SLC44A5: variants seen among roughly 807,000 people sequenced by gnomAD.
The protein encoded by SLC44A5 is choline transporter-like protein 5.
A neutral mutation model predicts 101.8 loss-of-function variants in SLC44A5; 57 were observed. The observed-to-expected ratio is 0.56, with a 90% CI of 0.45 to 0.70. The LOEUF is 0.70. SLC44A5 is among the 30% of genes least tolerant of loss of function. SLC44A5 has a pLI of 0.00. For synonymous variants in SLC44A5, 281 were observed against 290.9 expected (o/e 0.97, Z 0.35); for missense variants, 737 against 853.1 (o/e 0.86, Z 1.70).
the SLC44A5 span, among the ~76,000 whole-genome samples, chr1:75,722,234 T>C: frequency 6.6e-6 from 1 of 152,060 alleles, no homozygotes; most frequent in Non-Finnish European, 1.5e-5. Flanking sequence ...ATAGTACGAG[T>C]ATGGGAGTCC....
At chr1:75,433,897 G>A (rs536454585) in intron 2 of SLC44A5, among the ~76,000 whole-genome samples, 27 of 152,194 alleles carry the variant, frequency 1.8e-4, no homozygotes, top group African/African-American at 5.5e-4. Flanking sequence ...ATGGCAGCAG[G>A]CAAGACAGAA....
At chr1:75,279,527 G>A (rs1652215348) in intron 5 of SLC44A5, among the ~76,000 whole-genome samples, 1 of 152,100 alleles carries the variant, frequency 6.6e-6, no homozygotes, top group Non-Finnish European at 1.5e-5. Context: ...TGGAAATTGT[G>A]AAATAAGAAA....
In SLC44A5 at chr1:75,428,426, C is replaced by T. The variant is rs143004601; in HGVS notation, c.14-31805G>A. Among the ~76,000 whole-genome samples the T allele has an allele frequency of 7.9e-5, 12 of 152,224 alleles. No individual in the cohort carries two copies. The South Asian group carries it at 1.2e-3, about 16-fold the overall frequency. On this transcript the variant is annotated intron_variant, in intron 2 of 23. Transcript: ENST00000370859. ...GTTAGCAACTCAAGGACAGGGAGTA[C>T]GTCCTATTAATTTTTGAATCTCAGA...
intron 4 of SLC44A5, among the ~76,000 whole-genome samples, chr1:75,325,464 T>C (rs2100978322): frequency 6.6e-6 from 1 of 152,280 alleles, no homozygotes; most frequent in South Asian, 2.1e-4. Flanking sequence ...CAGTATACAG[T>C]AGTCTTGCCT....
chr1:75,369,636 A>G (rs550344011), intron 3 of SLC44A5, among the ~76,000 whole-genome samples: 2 of 152,194 alleles, frequency 1.3e-5, no homozygotes, highest in Non-Finnish European at 1.5e-5. Context: ...TCTTATTTTC[A>G]TAGCAATACT....
chr1:75,609,916 G>A (rs944635416), intron 1 of SLC44A5, among the ~76,000 whole-genome samples: 1 of 151,936 alleles, frequency 6.6e-6, no homozygotes, highest in East Asian at 1.9e-4. Flanking sequence ...TGTGATTCAG[G>A]AATCCAGAAG....
the SLC44A5 span, among the ~76,000 whole-genome samples, chr1:75,654,339 G>T: frequency 6.6e-6 from 1 of 152,124 alleles, no homozygotes; most frequent in Non-Finnish European, 1.5e-5. Flanking sequence ...AATTAAAATT[G>T]TTCAATGTTT....
At chr1:75,402,577 C>A in intron 2 of SLC44A5, 1 of 171,698 alleles carries the variant, frequency 5.8e-6, no homozygotes, top group Non-Finnish European at 1.3e-5. Flanking sequence ...ACCTGTGAAG[C>A]ACAAGGGGTT....
At chr1:75,210,458 C>T (rs554530853) in intron 23 of SLC44A5, among the ~76,000 whole-genome samples, 106 of 152,252 alleles carry the variant, frequency 7.0e-4, no homozygotes, top group African/African-American at 2.5e-3. Flanking sequence ...AGTATTTTAA[C>T]TCTATGTATC....
chr1:75,479,230 T>A (rs1189064526), intron 2 of SLC44A5, among the ~76,000 whole-genome samples: 1 of 152,204 alleles, frequency 6.6e-6, no homozygotes, highest in Non-Finnish European at 1.5e-5. Flanking sequence ...CATACCAGAA[T>A]GTCTGGGACA....
chr1:75,348,606 C>T (rs1658422018), intron 3 of SLC44A5, among the ~76,000 whole-genome samples: 1 of 152,072 alleles, frequency 6.6e-6, no homozygotes, highest in South Asian at 2.1e-4. Flanking sequence ...TTAATAACAA[C>T]AAAAGACCTC....
chr1:75,422,673 G>C (rs1282009236), intron 2 of SLC44A5, among the ~76,000 whole-genome samples: 3 of 152,180 alleles, frequency 2.0e-5, no homozygotes, highest in Non-Finnish European at 4.4e-5. Flanking sequence ...TACATGTTAA[G>C]AAGCTCCTAG....
At position 75,364,123 on chromosome 1, in the gene SLC44A5, T is replaced by C. The variant is rs1355601975; in HGVS notation, c.53-24493A>G. On this transcript the variant is annotated intron_variant, in intron 3 of 23. Coordinates refer to ENST00000370859, the MANE Select transcript of SLC44A5 (RefSeq NM_001130058.2). ...TCATTGATTTTTGAAGATTTTATTATGATGTGTCTTGGTGAGTTTCTCTTT... is the reference window on the plus strand; with the variant it reads ...TCATTGATTTTTGAAGATTTTATTACGATGTGTCTTGGTGAGTTTCTCTTT... Among the ~76,000 whole-genome samples, 6 of 152,238 alleles carry C rather than the reference T, an allele frequency of 3.9e-5. No homozygotes were observed. The East Asian group carries it at 1.2e-3, about 29-fold the overall frequency.
intron 4 of SLC44A5, among the ~76,000 whole-genome samples, chr1:75,331,685 G>A (rs920966582): frequency 6.6e-6 from 1 of 152,110 alleles, no homozygotes; most frequent in Non-Finnish European, 1.5e-5. Flanking sequence ...AACATGCTTA[G>A]CTTGCAGAGC....
chr1:75,594,656 A>C (rs191656349), intron 1 of SLC44A5, among the ~76,000 whole-genome samples: 1 of 152,128 alleles, frequency 6.6e-6, no homozygotes, highest in Non-Finnish European at 1.5e-5. Flanking sequence ...TAAATAAGAA[A>C]ATTAATATTT....
chr1:75,394,632 C>A (rs369888525), intron 3 of SLC44A5, among the ~76,000 whole-genome samples: 1 of 152,084 alleles, frequency 6.6e-6, no homozygotes, highest in Non-Finnish European at 1.5e-5. Flanking sequence ...GCCTCAGCTT[C>A]TTTGGAACAC....
chr1:75,266,461 A>G (rs943413747), intron 6 of SLC44A5, among the ~76,000 whole-genome samples: 32 of 152,322 alleles, frequency 2.1e-4, no homozygotes, highest in African/African-American at 7.5e-4. Flanking sequence ...AGTTCACTGC[A>G]ACTGTCTGTG....
At chr1:75,665,047 G>A in the SLC44A5 span, among the ~76,000 whole-genome samples, 2 of 151,804 alleles carry the variant, frequency 1.3e-5, no homozygotes, top group Non-Finnish European at 2.9e-5. Context: ...GCAATCAACA[G>A]ATTCAATGCT....
At chr1:75,312,729 C>T (rs551926823) in intron 4 of SLC44A5, among the ~76,000 whole-genome samples, 59 of 151,608 alleles carry the variant, frequency 3.9e-4, no homozygotes, top group African/African-American at 1.4e-3. Context: ...CATGCTAGGG[C>T]AACAGCACAA....
Sources: allele counts gnomAD v4.1 joint callset (sites outside exome capture counted in the v4.1 genomes callset), GRCh38; gene constraint gnomAD v4.1.1; transcripts MANE v1.5; gene names NCBI Gene and HGNC (gene_info 2026-07-23, HGNC 2026-07-21).